The following LDB2 variants were observed in gnomAD, a reference collection of about 807,000 sequenced individuals.
The protein encoded by LDB2 is LIM domain binding 2, also known as LIM domain-binding protein 2.
In LDB2, 12 loss-of-function variants were observed where a neutral mutation model predicts 44.3. The observed-to-expected ratio is 0.27, with a 90% CI of 0.17 to 0.44. The LOEUF (loss-of-function observed/expected upper bound fraction) is 0.44, where lower values mean the gene tolerates loss of function less well. Ranked by LOEUF, LDB2 falls within the 20% of genes least tolerant of loss-of-function variation. LDB2 has a pLI of 1.00. For missense variants in LDB2, 344 were observed against 473.5 expected (o/e 0.73, Z 2.54); for synonymous variants, 164 against 174.8 (o/e 0.94, Z 0.49).
In LDB2 at chr4:16,784,168, T is replaced by C. The variant is rs183281196; in HGVS notation, c.133-24908A>G. Among the ~76,000 whole-genome samples the C allele has an allele frequency of 4.3e-4, 66 of 152,236 alleles. No homozygotes were observed. The East Asian group carries it at 7.0e-3, about 16-fold the overall frequency. On this transcript the variant is annotated intron_variant, in intron 1 of 7. Transcript: ENST00000304523. ...AAGCCTCATGGCACCCTGGGGCACATAGGCAAAAGTGATCCACATAGGAAA... is the reference window on the plus strand; with the variant it reads ...AAGCCTCATGGCACCCTGGGGCACACAGGCAAAAGTGATCCACATAGGAAA...
At chr4:16,596,458 C>A (rs1264115458) in intron 2 of LDB2, among the ~76,000 whole-genome samples, 1 of 152,124 alleles carries the variant, frequency 6.6e-6, no homozygotes, top group Non-Finnish European at 1.5e-5. Flanking sequence ...TTGAATGCTT[C>A]AAGGTCACGT....
At chr4:16,635,595 G>T (rs1011829755) in intron 2 of LDB2, among the ~76,000 whole-genome samples, 2 of 152,156 alleles carry the variant, frequency 1.3e-5, no homozygotes, top group Admixed American at 1.3e-4. Flanking sequence ...ACTGTTGAAA[G>T]ATGTGTGGGG....
At chr4:16,673,490 G>C (rs1745456718) in intron 2 of LDB2, among the ~76,000 whole-genome samples, 2 of 152,178 alleles carry the variant, frequency 1.3e-5, no homozygotes, top group Non-Finnish European at 2.9e-5. Context: ...TCTTCTCACA[G>C]TGCTTCATAT....
intron 2 of LDB2, among the ~76,000 whole-genome samples, chr4:16,656,650 G>A (rs183226903): frequency 6.6e-6 from 1 of 152,138 alleles, no homozygotes; most frequent in African/African-American, 2.4e-5. Flanking sequence ...AGATGTTATT[G>A]TCATTTGCAG....
Position 16,537,756 on chromosome 4 carries a change from T to G in LDB2, c.616-25652A>C, listed in dbSNP as rs147913091. ...TAGAACTTATGTGCAATACCCCTGCTCCCCAGCTGGTCAATACTGGAGCAG... is the reference window on the plus strand; with the variant it reads ...TAGAACTTATGTGCAATACCCCTGCGCCCCAGCTGGTCAATACTGGAGCAG... On this transcript the variant is annotated intron_variant, in intron 5 of 7. Transcript: ENST00000304523. Among the ~76,000 whole-genome samples the G allele has an allele frequency of 4.1e-4, 63 of 152,232 alleles. 1 individual carries two copies. In the East Asian group the frequency reaches 8.7e-3, roughly 21 times the overall value.
intron 5 of LDB2, among the ~76,000 whole-genome samples, chr4:16,545,000 G>C (rs1735199576): frequency 6.6e-6 from 1 of 152,128 alleles, no homozygotes; most frequent in South Asian, 2.1e-4. Context: ...CAGCGAGTGA[G>C]GATAGGGAGG....
intron 2 of LDB2, among the ~76,000 whole-genome samples, chr4:16,747,338 G>A (rs1430232449): frequency 6.6e-6 from 1 of 152,108 alleles, no homozygotes; most frequent in Non-Finnish European, 1.5e-5. Flanking sequence ...ATACATTCCA[G>A]TACAGTGTCT....
intron 1 of LDB2, among the ~76,000 whole-genome samples, chr4:16,761,173 C>T (rs1767834084): frequency 6.6e-6 from 1 of 152,184 alleles, no homozygotes; most frequent in Non-Finnish European, 1.5e-5. Context: ...CTCTACTTTG[C>T]AACTGCAGAA....
intron 1 of LDB2, among the ~76,000 whole-genome samples, chr4:16,843,967 A>G (rs1247832294): frequency 6.6e-6 from 1 of 151,904 alleles, no homozygotes; most frequent in Non-Finnish European, 1.5e-5. Context: ...TATTAAGATC[A>G]ATCAGCCAAG....
chr4:16,547,411 A>G (rs908535502), intron 5 of LDB2, among the ~76,000 whole-genome samples: 1 of 152,182 alleles, frequency 6.6e-6, no homozygotes, highest in Non-Finnish European at 1.5e-5. Context: ...CAGTGGCTGT[A>G]GGAAATGGAT....
rs967124893 is a variant in LDB2, at chr4:16,878,441, C to T, written c.132+19913G>A. 3.3e-5 allele frequency among the ~76,000 whole-genome samples: 5 copies of T among 152,308 alleles called. 1 individual carries two copies. In the East Asian group the frequency reaches 7.7e-4, roughly 23 times the overall value. ...CATCGCCCATACAATTCACTGTCAT[C>T]TTTTACCAGAAAACTATACAATCCT... On this transcript the variant is annotated intron_variant, in intron 1 of 7. Transcript: ENST00000304523.
intron 2 of LDB2, among the ~76,000 whole-genome samples, chr4:16,708,078 T>TC (rs529200216): frequency 2.0e-5 from 3 of 152,182 alleles, no homozygotes; most frequent in Non-Finnish European, 4.4e-5. Flanking sequence ...GAAACTCCAT[T>TC]CTTTTAACAG....
At chr4:16,624,051 C>T (rs1476025695) in intron 2 of LDB2, among the ~76,000 whole-genome samples, 1 of 152,102 alleles carries the variant, frequency 6.6e-6, no homozygotes, top group African/African-American at 2.4e-5. Flanking sequence ...GGTACCAGTA[C>T]CATTATTGTT....
At chr4:16,516,408 T>C (rs1206007983) in intron 5 of LDB2, among the ~76,000 whole-genome samples, 1 of 152,248 alleles carries the variant, frequency 6.6e-6, no homozygotes, top group Non-Finnish European at 1.5e-5. Context: ...CAAACATTTA[T>C]TGAGCTTCCT....
intron 1 of LDB2, among the ~76,000 whole-genome samples, chr4:16,804,789 T>C (rs1247583424): frequency 6.6e-6 from 1 of 152,208 alleles, no homozygotes; most frequent in Non-Finnish European, 1.5e-5. Flanking sequence ...GATTTCTCAT[T>C]TTTTTTCTTC....
chr4:16,888,126 C>T (rs1213418712), intron 1 of LDB2, among the ~76,000 whole-genome samples: 1 of 152,202 alleles, frequency 6.6e-6, no homozygotes, highest in Non-Finnish European at 1.5e-5. Flanking sequence ...GACCCAGCTC[C>T]CTTGGAGAAG....
intron 2 of LDB2, among the ~76,000 whole-genome samples, chr4:16,600,960 T>A (rs191711436): frequency 2.3e-4 from 35 of 152,306 alleles, no homozygotes; most frequent in African/African-American, 6.0e-4. Context: ...TAGAGCATTT[T>A]ATCTCTTTTA....
chr4:16,894,119 A>T (rs749495601), intron 1 of LDB2, among the ~76,000 whole-genome samples: 8 of 152,152 alleles, frequency 5.3e-5, no homozygotes, highest in Non-Finnish European at 1.0e-4. Context: ...ACAAATTCTG[A>T]AGTCTTCAGA....
At chr4:16,845,594 C>A (rs1244774243) in intron 1 of LDB2, among the ~76,000 whole-genome samples, 1 of 152,130 alleles carries the variant, frequency 6.6e-6, no homozygotes, top group African/African-American at 2.4e-5. Flanking sequence ...CTGTTTCTTG[C>A]AGCAACATCC....
Sources: allele counts gnomAD v4.1 joint callset (sites outside exome capture counted in the v4.1 genomes callset), GRCh38; gene constraint gnomAD v4.1.1; transcripts MANE v1.5; gene names NCBI Gene and HGNC (gene_info 2026-07-23, HGNC 2026-07-21).